The following SNAP91 variants were observed in gnomAD, a reference collection of about 807,000 sequenced individuals.
SNAP91 encodes the protein synaptosome associated protein 91, also known as clathrin coat assembly protein AP180.
A neutral mutation model predicts 100.3 loss-of-function variants in SNAP91; 27 were observed. The ratio of observed to expected loss-of-function variants is 0.27; its 90% CI spans 0.20 to 0.37. The LOEUF (loss-of-function observed/expected upper bound fraction) is 0.37. Among genes scored for constraint, SNAP91 ranks in the 10% least tolerant of loss-of-function variants. The pLI, the probability that SNAP91 is intolerant of heterozygous loss-of-function variation, is 1.00. For synonymous variants in SNAP91, 404 were observed against 398.6 expected (o/e 1.01, Z -0.16); for missense variants, 986 against 1,123.7 (o/e 0.88, Z 1.75).
At chr6:83,693,422 C>T (rs1160388415) in intron 2 of SNAP91, among the ~76,000 whole-genome samples, 1 of 152,020 alleles carries the variant, frequency 6.6e-6, no homozygotes, top group Non-Finnish European at 1.5e-5. Flanking sequence ...TGAGAGACTG[C>T]TAATGTATCA....
At chr6:83,566,233 T>C (rs1317896833) in intron 26 of SNAP91, among the ~76,000 whole-genome samples, 2 of 152,090 alleles carry the variant, frequency 1.3e-5, no homozygotes, top group African/African-American at 4.8e-5. Flanking sequence ...ACTGTTTCTT[T>C]TAGGGGTGAT....
At chr6:83,639,593 G>T (rs999346464) in intron 8 of SNAP91, among the ~76,000 whole-genome samples, 2 of 152,056 alleles carry the variant, frequency 1.3e-5, no homozygotes, top group Non-Finnish European at 2.9e-5. Flanking sequence ...GTGGGCTTGT[G>T]CTAACATGAG....
intron 2 of SNAP91, among the ~76,000 whole-genome samples, chr6:83,682,654 A>C (rs2099006463): frequency 6.6e-6 from 1 of 151,906 alleles, no homozygotes; most frequent in Non-Finnish European, 1.5e-5. Context: ...ACATATGTAT[A>C]CATGTGCCAT....
chr6:83,659,231 T>A (rs2098478707), intron 5 of SNAP91, 139 bp from the exon 6 acceptor site: 2 of 647,440 alleles, frequency 3.1e-6, no homozygotes, highest in South Asian at 4.1e-5. Flanking sequence ...TATTACAAGG[T>A]TGTAGTCATT....
chr6:83,667,571 AC>A (rs2098709242), intron 2 of SNAP91, among the ~76,000 whole-genome samples: 1 of 152,026 alleles, frequency 6.6e-6, no homozygotes, highest in African/African-American at 2.4e-5. Context: ...TAACATGTTA[AC>A]AGATTTATTA....
intron 23 of SNAP91, among the ~76,000 whole-genome samples, chr6:83,581,153 T>A (rs1050645407): frequency 1.3e-5 from 2 of 152,186 alleles, no homozygotes; most frequent in Non-Finnish European, 2.9e-5. Context: ...TAAAAATAAT[T>A]CTTAAATGAG....
chr6:83,709,391 A>T (rs2099423912), upstream of SNAP91: 1 of 152,504 alleles, frequency 6.6e-6, no homozygotes, highest in South Asian at 2.1e-4. Context: ...CCCGGCACGC[A>T]CTGGGCTCGC....
intron 2 of SNAP91, among the ~76,000 whole-genome samples, chr6:83,702,827 G>A (rs2099330290): frequency 6.6e-6 from 1 of 151,828 alleles, no homozygotes; most frequent in Non-Finnish European, 1.5e-5. Context: ...TGTTCCACTA[G>A]CTGCTATAAA....
chr6:83,704,948 T>G (rs2099359612), intron 2 of SNAP91, among the ~76,000 whole-genome samples: 2 of 152,216 alleles, frequency 1.3e-5, no homozygotes, highest in South Asian at 2.1e-4. Flanking sequence ...AACAATTCAC[T>G]TTTATAACTG....
At chr6:83,652,534 A>C (rs2128660246) in intron 7 of SNAP91, among the ~76,000 whole-genome samples, 1 of 152,238 alleles carries the variant, frequency 6.6e-6, no homozygotes, top group South Asian at 2.1e-4. Context: ...GCTGTCATTC[A>C]TTTCACCTAT....
chr6:83,660,392 C>A (rs2098516859), intron 5 of SNAP91, among the ~76,000 whole-genome samples: 1 of 152,148 alleles, frequency 6.6e-6, no homozygotes, highest in African/African-American at 2.4e-5. Flanking sequence ...AAAAAAGTAG[C>A]CCCAAACTAA....
intron 27 of SNAP91, 130 bp from the exon 28 acceptor site, chr6:83,560,338 GTA>G: frequency 1.5e-6 from 1 of 677,278 alleles, no homozygotes; most frequent in East Asian, 2.7e-5. Context: ...AGCATAATTT[GTA>G]ATTTTAATTA....
chr6:83,577,609 G>C (rs549631132), intron 24 of SNAP91, among the ~76,000 whole-genome samples: 1 of 152,280 alleles, frequency 6.6e-6, no homozygotes, highest in South Asian at 2.1e-4. Flanking sequence ...CTCTGGGATG[G>C]AGATTAGCAT....
chr6:83,596,065 T>A (rs921912516), intron 16 of SNAP91, among the ~76,000 whole-genome samples: 1 of 152,196 alleles, frequency 6.6e-6, no homozygotes, highest in Non-Finnish European at 1.5e-5. Context: ...TCAATTTATT[T>A]ATTATTAGAG....
At chr6:83,579,829 G>A (rs1342526598) in intron 24 of SNAP91, among the ~76,000 whole-genome samples, 1 of 152,084 alleles carries the variant, frequency 6.6e-6, no homozygotes, top group Admixed American at 6.6e-5. Flanking sequence ...TTCTTGTTGA[G>A]GCTTACTCTA....
In SNAP91 at chr6:83,677,669, T is replaced by G. The variant is rs570532650; in HGVS notation, c.131-12088A>C. On this transcript the variant is annotated intron_variant, in intron 2 of 29. Transcript: ENST00000369694. ...GTGACCTTAAGCATGTAATTCAATT[T>G]CCTTATCCTACAGTTTTCTGTGAGG... Among the ~76,000 whole-genome samples, 16 of 152,336 alleles carry G rather than the reference T, an allele frequency of 1.1e-4. No homozygotes were observed. The South Asian group carries it at 3.3e-3, about 32-fold the overall frequency.
At chr6:83,567,261 T>C (rs1798013484) in intron 26 of SNAP91, among the ~76,000 whole-genome samples, 1 of 152,204 alleles carries the variant, frequency 6.6e-6, no homozygotes, top group South Asian at 2.1e-4. Context: ...TCTAAAGCTT[T>C]TCTTTTAACA....
At chr6:83,640,575 T>A (rs978219290) in intron 8 of SNAP91, among the ~76,000 whole-genome samples, 2 of 152,142 alleles carry the variant, frequency 1.3e-5, no homozygotes, top group African/African-American at 4.8e-5. Flanking sequence ...GGTATTCTAA[T>A]CAAGTATAAA....
intron 9 of SNAP91, among the ~76,000 whole-genome samples, chr6:83,621,757 C>A (rs576664178): frequency 8.5e-5 from 13 of 152,062 alleles, no homozygotes; most frequent in African/African-American, 3.1e-4. Context: ...TAGATGAGGA[C>A]CTATATTCTT....
Sources: gnomAD v4.1 joint callset for allele counts (sites outside exome capture counted in the v4.1 genomes callset) on GRCh38, gnomAD v4.1.1 for gene constraint, MANE v1.5 for transcripts, NCBI Gene and HGNC (gene_info 2026-07-23, HGNC 2026-07-21) for gene names.